GATAD2A: variants seen among roughly 807,000 people sequenced by gnomAD.
GATAD2A encodes the protein GATA zinc finger domain containing 2A.
In GATAD2A, 12 loss-of-function variants were observed where a neutral mutation model predicts 68.5. The observed-to-expected ratio is 0.18, with a 90% CI of 0.11 to 0.28. The LOEUF (loss-of-function observed/expected upper bound fraction) is 0.28, where lower values mean the gene tolerates loss of function less well. GATAD2A is among the 10% of genes least tolerant of loss of function. The pLI, the probability that GATAD2A is intolerant of heterozygous loss-of-function variation, is 1.00. For synonymous variants in GATAD2A, 410 were observed against 375.3 expected (o/e 1.09, Z -1.07); for missense variants, 755 against 868.5 (o/e 0.87, Z 1.64).
chr19:19,401,247 T>C (rs1395347450), upstream of GATAD2A, among the ~76,000 whole-genome samples: 4 of 143,532 alleles, frequency 2.8e-5, no homozygotes, highest in Non-Finnish European at 4.5e-5. Context: ...GGAGTCTCCT[T>C]CTGTCGCACA....
chr19:19,481,952 A>G lies in GATAD2A; in HGVS notation c.270-10354A>G, dbSNP rs573243143. ...TTCCCATATCTACCAATAAATAACA[A>G]ATTAATTCGCTGGGTGTGGTGGCTC... is the stretch of plus-strand genomic sequence containing the variant. On this transcript the variant is annotated intron_variant, in intron 2 of 11. Coordinates refer to ENST00000683918, the MANE Select transcript of GATAD2A (RefSeq NM_001384528.1). Among the ~76,000 whole-genome samples the G allele has an allele frequency of 3.3e-5, 5 of 152,106 alleles. No individual in the cohort carries two copies. The South Asian group carries it at 8.3e-4, about 25-fold the overall frequency.
chr19:19,439,934 C>T (rs149386259), intron 1 of GATAD2A, among the ~76,000 whole-genome samples: 324 of 152,224 alleles, frequency 2.1e-3, no homozygotes, highest in African/African-American at 6.9e-3. Context: ...GAAATGTATC[C>T]GAAACATGGT....
chr19:19,442,025 C>G (rs1019572645), intron 1 of GATAD2A, among the ~76,000 whole-genome samples: 38 of 151,706 alleles, frequency 2.5e-4, no homozygotes, highest in Admixed American at 5.3e-4. Flanking sequence ...CCATGCCTGG[C>G]TAATTTTGTA....
chr19:19,423,450 G>T (rs1008863715), intron 1 of GATAD2A, among the ~76,000 whole-genome samples: 1 of 152,220 alleles, frequency 6.6e-6, no homozygotes, highest in Non-Finnish European at 1.5e-5. Context: ...TCAGTTTGCC[G>T]CAGTGATGAA....
At chr19:19,396,472 T>G (rs1173611306) in intron 1 of GATAD2A, among the ~76,000 whole-genome samples, 1 of 152,202 alleles carries the variant, frequency 6.6e-6, no homozygotes, top group Non-Finnish European at 1.5e-5. Context: ...AGTTCCTAGT[T>G]TGGTTGATTT....
chr19:19,448,670 T>G (rs1600152660), intron 1 of GATAD2A, among the ~76,000 whole-genome samples: 5 of 152,234 alleles, frequency 3.3e-5, no homozygotes, highest in Non-Finnish European at 7.4e-5. Context: ...AAATTTTTTT[T>G]GTAGAGATGG....
At chr19:19,474,220 T>C in intron 2 of GATAD2A, 5 of 932,630 alleles carry the variant, frequency 5.4e-6, no homozygotes, top group Non-Finnish European at 6.4e-6. Context: ...GAGAGGAGGG[T>C]GAGGTCGACA....
At chr19:19,455,264 T>C (rs537697298) in intron 1 of GATAD2A, among the ~76,000 whole-genome samples, 52 of 151,316 alleles carry the variant, frequency 3.4e-4, no homozygotes, top group African/African-American at 1.0e-3. Context: ...CCGAGGCAGG[T>C]GGATTGCCTG....
chr19:19,500,234 T>C (rs1423780524), intron 8 of GATAD2A, among the ~76,000 whole-genome samples: 1 of 152,150 alleles, frequency 6.6e-6, no homozygotes, highest in Non-Finnish European at 1.5e-5. Flanking sequence ...ACGCTGGCCA[T>C]GGGTTGGACG....
chr19:19,456,762 A>C (rs1403094701), intron 1 of GATAD2A, among the ~76,000 whole-genome samples: 2 of 152,202 alleles, frequency 1.3e-5, no homozygotes, highest in Admixed American at 6.5e-5. Flanking sequence ...GGCAAGGTCA[A>C]GCCCAAATTG....
At chr19:19,458,642 A>T (rs2057151847) in intron 1 of GATAD2A, 1 of 152,142 alleles carries the variant, frequency 6.6e-6, no homozygotes, top group South Asian at 2.1e-4. Context: ...GGTTGTGGCC[A>T]CTCAGGGAGG....
At chr19:19,478,549 G>A (rs1271986955) in intron 2 of GATAD2A, among the ~76,000 whole-genome samples, 3 of 151,588 alleles carry the variant, frequency 2.0e-5, no homozygotes, top group Non-Finnish European at 4.4e-5. Flanking sequence ...AGCCGAGATC[G>A]CACCACTGCA....
At chr19:19,480,548 A>T (rs1366964743) in intron 2 of GATAD2A, among the ~76,000 whole-genome samples, 1 of 152,234 alleles carries the variant, frequency 6.6e-6, no homozygotes, top group African/African-American at 2.4e-5. Flanking sequence ...TGCAGTATGC[A>T]GCAGGAGGGC....
Position 19,459,990 on chromosome 19 carries a change from C to T in GATAD2A, c.-6-5350C>T, listed in dbSNP as rs139697143. On this transcript the variant is annotated intron_variant, in intron 1 of 11. Transcript: ENST00000683918. ...CTAGTCACTGTTACTCAGAGATGTG[C>T]GTCAGGAAGTGGCTCGGGCCACAGT... 3.7e-3 allele frequency among the ~76,000 whole-genome samples: 567 copies of T among 152,308 alleles called. 4 individuals carry two copies. Among genetic ancestry groups the T allele is most frequent in the African/African-American group, 0.013 (530 of 41,570 alleles).
chr19:19,437,547 A>G (rs2054507885), intron 1 of GATAD2A, among the ~76,000 whole-genome samples: 1 of 152,166 alleles, frequency 6.6e-6, no homozygotes, highest in Non-Finnish European at 1.5e-5. Context: ...GAACATTTTC[A>G]TTATCCCAAA....
At chr19:19,456,808 T>C (rs1267161403) in intron 1 of GATAD2A, among the ~76,000 whole-genome samples, 1 of 152,190 alleles carries the variant, frequency 6.6e-6, no homozygotes, top group Non-Finnish European at 1.5e-5. Context: ...TTTGGAATCT[T>C]CAGGTCTGAC....
At chr19:19,470,153 T>TTA (rs1555712334) in intron 2 of GATAD2A, among the ~76,000 whole-genome samples, 8 of 139,314 alleles carry the variant, frequency 5.7e-5, no homozygotes, top group Admixed American at 4.3e-4. Context: ...ATTTTTTTTT[T>TTA]TGTTTTTTTT....
At chr19:19,388,705 A>G (rs942819503) in intron 1 of GATAD2A, among the ~76,000 whole-genome samples, 1 of 152,074 alleles carries the variant, frequency 6.6e-6, no homozygotes, top group Non-Finnish European at 1.5e-5. Flanking sequence ...CACACTGTCA[A>G]GCTGTGGGAG....
intron 1 of GATAD2A, among the ~76,000 whole-genome samples, chr19:19,433,907 C>T (rs2054026842): frequency 6.6e-6 from 1 of 152,086 alleles, no homozygotes; most frequent in African/African-American, 2.4e-5. Context: ...TAGCTGGGAC[C>T]TCAGGTGCAC....
Sources: allele counts gnomAD v4.1 joint callset (sites outside exome capture counted in the v4.1 genomes callset), GRCh38; gene constraint gnomAD v4.1.1; transcripts MANE v1.5; gene names NCBI Gene and HGNC (gene_info 2026-07-23, HGNC 2026-07-21).